The following AATK variants were observed in gnomAD, a reference collection of about 807,000 sequenced individuals.
AATK encodes lemur tail kinase 1, also known as serine/threonine-protein kinase LMTK1.
A neutral mutation model predicts 114.3 loss-of-function variants in AATK; 91 were observed. The ratio of observed to expected loss-of-function variants is 0.80; its 90% CI spans 0.67 to 0.95. The LOEUF (loss-of-function observed/expected upper bound fraction) is 0.95, where lower values mean the gene tolerates loss of function less well. AATK is among the 40% of genes least tolerant of loss of function. AATK has a pLI of 0.00. For missense variants in AATK, 2,176 were observed against 1,965.2 expected (o/e 1.11, Z -2.03); for synonymous variants, 1,075 against 916.5 (o/e 1.17, Z -3.12).
chr17:81,120,763 G>T lies in AATK; in HGVS notation c.3173C>A (p.Pro1058Gln), dbSNP rs544759305. 3 of 1,575,084 alleles carry T rather than the reference G, an allele frequency of 1.9e-6. No individual in the cohort carries two copies. Among genetic ancestry groups the T allele is most frequent in the East Asian group, 2.3e-5 (1 of 42,946 alleles). ...QGSGPGEVLP[P>Q]LLQLEGSSPE... ...GGAGGACCCTTCAAGCTGCAGCAGTGGGGGCAGCACCTCCCCGGGGCCAGA... is the reference window on the plus strand; with the variant it reads ...GGAGGACCCTTCAAGCTGCAGCAGTTGGGGCAGCACCTCCCCGGGGCCAGA... Residue 1058 changes from proline (P) to glutamine (Q), a missense_variant, in exon 11 of 14, where the codon CCA (proline) becomes CAA (glutamine). Physicochemically the swap from Pro to Gln is moderately conservative, Grantham distance 76. Coordinates refer to ENST00000326724, the MANE Select transcript of AATK (RefSeq NM_001080395.3).
At chr17:81,142,421 C>T (rs1473378253) in intron 1 of AATK, among the ~76,000 whole-genome samples, 1 of 152,052 alleles carries the variant, frequency 6.6e-6, no homozygotes, top group African/African-American at 2.4e-5. Context: ...CACAGCCTTG[C>T]ACCACCACAC....
rs1051097754 is a variant in AATK at position 81,120,005 on chromosome 17, C to G, written c.3814G>C (p.Gly1272Arg). The change falls in exon 12 of 14, where the codon GGC becomes CGC. Residue 1272 changes from glycine to arginine, a missense_variant. Around this residue, in one of 4 missense-constraint regions of AATK, gnomAD observed 1,701 missense variants for 1,394.7 expected, o/e 1.22. Transcript: ENST00000326724. ...GGCCGGTTGGGGGCGCTGGGAGAGC[C>G]GGGGCTCCCCCTAAGGAACGTAGGG... The part of the protein sequence containing the change: ...SPPTFLRGSP[G>R]SPSAPNRPQQ... 4 of 1,447,088 alleles carry G rather than the reference C, an allele frequency of 2.8e-6. No individual in the cohort carries two copies. The African/African-American group carries it at 5.9e-5, about 21-fold the overall frequency. 89.6% of individuals were successfully genotyped at this position (1,447,088 alleles called of 1,614,324 possible).
At chr17:81,127,702 G>GGAGGAGGT in intron 5 of AATK, 32 bp from the exon 6 acceptor site, 1 of 1,556,190 alleles carries the variant, frequency 6.4e-7, no homozygotes, top group African/African-American at 1.4e-5. Flanking sequence ...CCCTGACTTG[G>GGAGGAGGT]GAGGAGGTGG....
In AATK at chr17:81,122,335, A is replaced by G; in HGVS notation, c.1601T>C (p.Leu534Pro). 6.6e-7 allele frequency: 1 copy of G among 1,512,494 alleles called. No homozygotes were observed. The highest frequency in any genetic ancestry group is 8.8e-7 in the Non-Finnish European group (1 of 1,135,008). The allele number at this position is 1,512,494 out of a possible 1,614,324, so 93.7% of individuals were successfully genotyped here. The change falls in exon 11 of 14, where the codon CTA (leucine) becomes CCA (proline). Residue 534 changes from leucine to proline, a missense_variant. Leu to Pro is a moderately conservative substitution (Grantham distance 98). Around this residue, in one of 4 missense-constraint regions of AATK, gnomAD observed 1,701 missense variants for 1,394.7 expected, o/e 1.22. Coordinates refer to ENST00000326724, the MANE Select transcript of AATK (RefSeq NM_001080395.3). ...PSLGSEYFIR[L>P]EEAAPAAGHD... ...GCCGGCGGCGGGTGCGGCCTCCTCT[A>G]GGCGGATGAAGTACTCGCTGCCCAG...
rs370555680 is a variant in AATK at position 81,154,466 on chromosome 17, G to C, written c.55+11472C>G. 2.2e-4 allele frequency among the ~76,000 whole-genome samples: 31 copies of C among 138,446 alleles called. No homozygotes were observed. In the South Asian group the frequency reaches 7.1e-3, roughly 31 times the overall value. The allele number at this position is 138,446 out of a possible 152,430, so 90.8% of individuals were successfully genotyped here. A position where few individuals can be genotyped will look rare whatever the true frequency, so the allele number is the denominator to read the frequency against. On this transcript the variant is annotated intron_variant, in intron 1 of 13. Transcript: ENST00000326724. ...CTCCCAGGTAACTGGGATTACAGGC[G>C]CCCACCACCATGCCCTGCTAATTTT... is the stretch of plus-strand genomic sequence containing the variant.
In AATK at chr17:81,131,042, C is replaced by G. The variant is rs760000444; in HGVS notation, c.334+19G>C. ...GGGCCCCGGAGGGAGGCCACCCCAT[C>G]TCCCCACCCAGCCCTCACCTGAGCG... On this transcript the variant is annotated intron_variant, in intron 3 of 13. Transcript: ENST00000326724. 6.5e-7 allele frequency: 1 copy of G among 1,546,112 alleles called. No homozygotes were observed. Among genetic ancestry groups the G allele is most frequent in the South Asian group, 1.2e-5 (1 of 83,980 alleles).
chr17:81,120,159 C>A, intron 11 of AATK, 42 bp downstream of exon 11: 1 of 1,523,322 alleles, frequency 6.6e-7, no homozygotes, highest in Non-Finnish European at 8.8e-7. Context: ...TGCGGGAGCG[C>A]GACCCCCAGC....
Position 81,164,941 on chromosome 17 carries a change from C to T in AATK, c.55+997G>A, listed in dbSNP as rs757192451. Among the ~76,000 whole-genome samples the T allele has an allele frequency of 6.6e-5, 10 of 152,242 alleles. No individual in the cohort carries two copies. The South Asian group carries it at 1.0e-3, about 16-fold the overall frequency. On this transcript the variant is annotated intron_variant, in intron 1 of 13. Transcript: ENST00000326724. Reference sequence around the variant, plus strand: ...AATGCCTTCAGACCGAGATCTGCCCCGGGGACCCCCGTGCCTCCCTGCCAG... The same window carrying T: ...AATGCCTTCAGACCGAGATCTGCCCTGGGGACCCCCGTGCCTCCCTGCCAG...
intron 1 of AATK, among the ~76,000 whole-genome samples, chr17:81,150,154 C>T (rs970588400): frequency 6.6e-6 from 1 of 152,090 alleles, no homozygotes; most frequent in African/African-American, 2.4e-5. Context: ...TCCTTCTGGG[C>T]TGATGAGAAT....
rs1314392159 is a variant in AATK, at chr17:81,151,498, C to G, written c.55+14440G>C. Among the ~76,000 whole-genome samples, 3 of 152,232 alleles carry G rather than the reference C, an allele frequency of 2.0e-5. No homozygotes were observed. In the East Asian group the frequency reaches 5.8e-4, roughly 29 times the overall value. On this transcript the variant is annotated intron_variant, in intron 1 of 13. Coordinates refer to ENST00000326724, the MANE Select transcript of AATK (RefSeq NM_001080395.3). ...AGCAGGCCACCTGACGCCAGGCCCC[C>G]ACGCGACCCAGTTCTTCAGAGGCCC...
intron 1 of AATK, among the ~76,000 whole-genome samples, chr17:81,151,839 C>T (rs1379347865): frequency 6.6e-6 from 1 of 152,158 alleles, no homozygotes; most frequent in Admixed American, 6.6e-5. Context: ...GCCAGGCTGA[C>T]AAGGGTGGCC....
At chr17:81,134,776 G>C (rs1166133228) in intron 1 of AATK, among the ~76,000 whole-genome samples, 1 of 152,230 alleles carries the variant, frequency 6.6e-6, no homozygotes, top group African/African-American at 2.4e-5. Context: ...CAATTCTGGG[G>C]TTCAGATACC....
chr17:81,125,058 C>T, intron 7 of AATK, 44 bp from the exon 8 acceptor site: 1 of 1,317,666 alleles, frequency 7.6e-7, no homozygotes, highest in Non-Finnish European at 1.0e-6. Context: ...GCAGGGTGAG[C>T]AGGGTGTGCC....
chr17:81,159,351 C>T (rs1169189670), intron 1 of AATK, among the ~76,000 whole-genome samples: 4 of 151,984 alleles, frequency 2.6e-5, no homozygotes, highest in Non-Finnish European at 5.9e-5. Flanking sequence ...TGCGAGTGAC[C>T]GGCCAGGTAG....
Position 81,124,960 on chromosome 17 carries a change from A to G in AATK, c.810T>C (p.Gly270=), listed in dbSNP as rs745664975. Residue 270 remains glycine, a synonymous_variant, in exon 8 of 14, where the codon GGT becomes GGC. Coordinates refer to ENST00000326724, the MANE Select transcript of AATK (RefSeq NM_001080395.3). Reference sequence around the variant, plus strand: ...ACTTGCAGTGAGCCAGGCCATAGTCACCAATCTTCACCGTCAGGTCAGCCG... The same window carrying G: ...ACTTGCAGTGAGCCAGGCCATAGTCGCCAATCTTCACCGTCAGGTCAGCCG... ...LLTADLTVKI[G]DYGLAHCKYR... The G allele has an allele frequency of 4.4e-6, 7 of 1,578,440 alleles. No homozygotes were observed. In the Admixed American group the frequency reaches 9.0e-5, roughly 20 times the overall value.
chr17:81,155,392 TATTATTA>T (rs796432016), intron 1 of AATK, among the ~76,000 whole-genome samples: 3 of 72,994 alleles, frequency 4.1e-5, no homozygotes, highest in Non-Finnish European at 7.9e-5. Context: ...TTATTATTAT[TATTATTA>T]TTTTTTGAGA....
chr17:81,134,616 G>A, intron 1 of AATK, 115 bp from the exon 2 acceptor site: 1 of 1,364,156 alleles, frequency 7.3e-7, no homozygotes. Context: ...CTGGGCCTCA[G>A]CACCCTGACC....
Position 81,128,517 on chromosome 17 carries a change from G to A in AATK, c.367C>T (p.His123Tyr), listed in dbSNP as rs756336762. Residue 123 changes from histidine (H) to tyrosine (Y), a missense_variant, in exon 4 of 14, where the codon CAC (histidine) becomes TAC (tyrosine). Physicochemically the swap from His to Tyr is moderately conservative, Grantham distance 83. This residue lies in a region of AATK where 178 missense variants were observed against 175.4 expected (regional missense o/e 1.01). Transcript: ENST00000326724. ...ATTTCCTTCAGGTACAGGAGGCTGT[G>A]CCGGCCCACGTCTGTGGACTTGAGG... ...QLLKSTDVGR[H>Y]SLLYLKEIGR... 1.3e-6 allele frequency: 2 copies of A among 1,549,216 alleles called. No individual in the cohort carries two copies. Among genetic ancestry groups the A allele is most frequent in the Non-Finnish European group, 1.7e-6 (2 of 1,146,914 alleles).
In AATK at chr17:81,142,104, T is replaced by C. The variant is rs192421724; in HGVS notation, c.56-7603A>G. Among the ~76,000 whole-genome samples the C allele has an allele frequency of 1.9e-4, 29 of 151,778 alleles. No homozygotes were observed. In the East Asian group the frequency reaches 5.6e-3, roughly 30 times the overall value. ...CCAAGTAGCTGGGATTACAGGCACC[T>C]GCCACCATCACCCTCGGCTAATTTT... On this transcript the variant is annotated intron_variant, in intron 1 of 13. Coordinates refer to ENST00000326724, the MANE Select transcript of AATK (RefSeq NM_001080395.3).
Sources: gnomAD v4.1 joint callset for allele counts (sites outside exome capture counted in the v4.1 genomes callset) on GRCh38, gnomAD v4.1.1 for gene constraint, gnomAD v4.1.1 regional missense constraint, MANE v1.5 for transcripts, NCBI Gene and HGNC (gene_info 2026-07-23, HGNC 2026-07-21) for gene names.